The following ZNF469 variants were observed in gnomAD, a reference collection of about 807,000 sequenced individuals.
ZNF469 encodes zinc finger protein 469.
In ZNF469, 1 loss-of-function variant was observed where a neutral mutation model predicts 1.0. The ratio of observed to expected loss-of-function variants is 1.00; its 90% CI spans 0.35 to 4.73. The LOEUF (loss-of-function observed/expected upper bound fraction) is 4.73, where lower values mean the gene tolerates loss of function less well. Among genes scored for constraint, ZNF469 ranks in the 30% most tolerant of loss-of-function variants. The pLI, the probability that ZNF469 is intolerant of heterozygous loss-of-function variation, is 0.16. For missense variants in ZNF469, 6,100 were observed against 5,356.3 expected, an observed-to-expected ratio of 1.14 and a Z score of -4.33; for synonymous variants, 2,703 against 2,363.4, an observed-to-expected ratio of 1.14 and a Z score of -4.17.
At chr16:88,111,654 T>A in the ZNF469 span, among the ~76,000 whole-genome samples, 1 of 152,188 alleles carries the variant, frequency 6.6e-6, no homozygotes, top group African/African-American at 2.4e-5. Context: ...TGTTTGTTTG[T>A]TGAGATGGAG....
chr16:88,267,615 G>A, the ZNF469 span, among the ~76,000 whole-genome samples: 1 of 152,124 alleles, frequency 6.6e-6, no homozygotes, highest in African/African-American at 2.4e-5. Flanking sequence ...GGGGCAGGCT[G>A]GCCTGGCAGG....
the ZNF469 span, among the ~76,000 whole-genome samples, chr16:88,147,837 T>A: frequency 6.6e-6 from 1 of 152,274 alleles, no homozygotes; most frequent in South Asian, 2.1e-4. Context: ...ATATCCCATG[T>A]GGAGGCAATC....
At chr16:88,245,406 T>C in the ZNF469 span, among the ~76,000 whole-genome samples, 1 of 152,272 alleles carries the variant, frequency 6.6e-6, no homozygotes, top group African/African-American at 2.4e-5. Context: ...GCGTAGGCTC[T>C]TGGCCTCTCC....
chr16:88,279,855 ACTCG>A, the ZNF469 span, among the ~76,000 whole-genome samples: 2 of 129,430 alleles, frequency 1.5e-5, no homozygotes, highest in African/African-American at 2.8e-5. Context: ...CCATGCTGAC[ACTCG>A]GTCAGTACCG....
chr16:88,130,295 G>A, the ZNF469 span, among the ~76,000 whole-genome samples: 6 of 152,252 alleles, frequency 3.9e-5, no homozygotes, highest in East Asian at 3.9e-4. Flanking sequence ...TGGACAAACC[G>A]CACGCCGCAG....
Position 88,435,876 on chromosome 16 carries a change from T to C in ZNF469, c.8406T>C (p.Phe2802=), listed in dbSNP as rs961387285. The part of the protein sequence containing the change: ...ENTPPLGPLG[F]PETSSSPADS... ...CGCCCCCCTTGGGCCCCCTGGGTTT[T>C]CCCGAGACTTCCAGCTCTCCGGCGG... is the stretch of plus-strand genomic sequence containing the variant. The change falls in exon 3 of 3, where the codon TTT becomes TTC. Residue 2802 remains phenylalanine, a synonymous_variant. Transcript: ENST00000565624. 1.3e-6 allele frequency: 2 copies of C among 1,550,168 alleles called. No homozygotes were observed. The highest frequency in any genetic ancestry group is 1.7e-4 in the Middle Eastern group (1 of 5,990).
the ZNF469 span, among the ~76,000 whole-genome samples, chr16:88,279,844 G>A: frequency 2.3e-5 from 3 of 129,708 alleles, no homozygotes; most frequent in Admixed American, 7.7e-5. Flanking sequence ...TTAGTGCTGT[G>A]CCATGCTGAC....
the ZNF469 span, among the ~76,000 whole-genome samples, chr16:88,272,803 T>C: frequency 4.1e-5 from 6 of 147,932 alleles, no homozygotes; most frequent in Non-Finnish European, 8.9e-5. Context: ...GGTGTGTGGA[T>C]AGACGAGTGG....
rs1260437837 is a variant in ZNF469 at position 88,437,772 on chromosome 16, C to T, written c.10302C>T (p.Asp3434=). 3.2e-6 allele frequency: 5 copies of T among 1,549,440 alleles called. No homozygotes were observed. Among genetic ancestry groups the T allele is most frequent in the African/African-American group, 1.4e-5 (1 of 73,038 alleles). The part of the protein sequence containing the change: ...NYTFAKKEQF[D]RHMNKHLRGG... ...CCTTCGCCAAGAAGGAGCAGTTCGA[C>T]CGCCACATGAACAAGCACCTCAGGG... The change falls in exon 3 of 3, where the codon GAC becomes GAT. Residue 3434 remains aspartate (D), a synonymous_variant. Coordinates refer to ENST00000565624, the MANE Select transcript of ZNF469 (RefSeq NM_001367624.2).
the ZNF469 span, among the ~76,000 whole-genome samples, chr16:88,341,894 C>T: frequency 6.6e-6 from 1 of 152,136 alleles, no homozygotes; most frequent in African/African-American, 2.4e-5. Context: ...TCACCAAGGG[C>T]GCTGGCCATC....
chr16:88,196,181 C>T, the ZNF469 span, among the ~76,000 whole-genome samples: 50 of 152,290 alleles, frequency 3.3e-4, no homozygotes, highest in Non-Finnish European at 6.5e-4. Context: ...GTGCTGATGG[C>T]GTGAAGTTGC....
At chr16:88,152,597 C>T in the ZNF469 span, among the ~76,000 whole-genome samples, 987 of 152,266 alleles carry the variant, frequency 6.5e-3, 7 homozygotes, top group African/African-American at 0.022. This position sits in a 1 kb window ranked among gnomAD's most constrained non-coding sequence, Gnocchi z 4.2. Context: ...CGTCCACAGG[C>T]GGGCTCTGTG....
rs899023850 is a variant in ZNF469, at chr16:88,437,361, T to A, written c.9891T>A (p.Ala3297=). ...TPDSASATAL[A]DAGSPGPPRT... is the part of the protein sequence containing the mutation. ...ACAGCGCCTCTGCCACCGCCCTGGC[T>A]GACGCCGGCAGCCCGGGCCCCCCCA... Residue 3297 remains alanine (A), a synonymous_variant, in exon 3 of 3, where the codon GCT becomes GCA. Transcript: ENST00000565624. 10 of 1,541,398 alleles carry A rather than the reference T, an allele frequency of 6.5e-6. No homozygotes were observed. The African/African-American group carries it at 1.2e-4, about 19-fold the overall frequency.
chr16:88,315,941 G>A, the ZNF469 span, among the ~76,000 whole-genome samples: 95 of 152,316 alleles, frequency 6.2e-4, 3 homozygotes, highest in Middle Eastern at 3.4e-3. Context: ...GAGGAAACCT[G>A]GAAGTGCACA....
chr16:88,161,955 A>G, the ZNF469 span, among the ~76,000 whole-genome samples: 24 of 150,832 alleles, frequency 1.6e-4, no homozygotes, highest in African/African-American at 5.7e-4. Flanking sequence ...GAGACAGCCT[A>G]TGATTTTAGA....
the ZNF469 span, among the ~76,000 whole-genome samples, chr16:88,168,223 G>A: frequency 4.6e-5 from 7 of 152,228 alleles, no homozygotes; most frequent in South Asian, 1.4e-3. The surrounding 1 kb of genome is among the most constrained non-coding windows in gnomAD (Gnocchi z 4.3). Context: ...CTGAAGTTTG[G>A]TCTGAAACTC....
the ZNF469 span, among the ~76,000 whole-genome samples, chr16:88,129,201 C>T: frequency 6.6e-6 from 1 of 152,364 alleles, no homozygotes; most frequent in South Asian, 2.1e-4. Flanking sequence ...CCAGCCCTGC[C>T]ACAGCGTCAT....
chr16:88,279,479 G>T, the ZNF469 span, among the ~76,000 whole-genome samples: 1 of 150,742 alleles, frequency 6.6e-6, no homozygotes, highest in Non-Finnish European at 1.5e-5. Flanking sequence ...CGCTCGGTCA[G>T]TACCGTGTAG....
chr16:88,170,874 C>T, the ZNF469 span, among the ~76,000 whole-genome samples: 156 of 152,110 alleles, frequency 1.0e-3, 1 homozygote, highest in African/African-American at 3.6e-3. This position sits in a 1 kb window ranked among gnomAD's most constrained non-coding sequence, Gnocchi z 4.2. Context: ...ACTTTCCCTC[C>T]AACCGCGAGC....
Sources: gnomAD v4.1 joint callset for allele counts (sites outside exome capture counted in the v4.1 genomes callset) on GRCh38, gnomAD v4.1.1 for gene constraint, Gnocchi (gnomAD v3.1) non-coding constraint, MANE v1.5 for transcripts, NCBI Gene and HGNC (gene_info 2026-07-23, HGNC 2026-07-21) for gene names.